The following HPSE variants were observed in gnomAD, a reference collection of about 807,000 sequenced individuals.
HPSE encodes heparanase.
Under a neutral mutation model 65.1 loss-of-function variants are expected in HPSE, and 48 were observed. The observed-to-expected ratio is 0.74, with a 90% CI of 0.58 to 0.94. The LOEUF (loss-of-function observed/expected upper bound fraction) is 0.94, where lower values mean the gene tolerates loss of function less well. Ranked by LOEUF, HPSE falls within the 40% of genes least tolerant of loss-of-function variation. The pLI is 0.00. For synonymous variants in HPSE, 243 were observed against 260.0 expected (o/e 0.93, Z 0.63); for missense variants, 644 against 637.5 (o/e 1.01, Z -0.11).
intron 3 of HPSE, among the ~76,000 whole-genome samples, chr4:83,314,277 C>CAAA (rs34348231): frequency 6.9e-6 from 1 of 144,808 alleles, no homozygotes; most frequent in East Asian, 2.0e-4. Context: ...AACAAAAAAA[C>CAAA]AAACAAAAAA....
At position 83,319,329 on chromosome 4, in the gene HPSE, C is replaced by G. The variant is rs369167362; in HGVS notation, c.499+15G>C. The G allele has an allele frequency of 1.9e-6, 3 of 1,613,200 alleles. No homozygotes were observed. The East Asian group carries it at 6.7e-5, about 36-fold the overall frequency. ...TTGGGGCTGGAACATCTCTAGGGTGCCTTTCATTTCTTACTTGAGTAGGTG... is the reference window on the plus strand; with the variant it reads ...TTGGGGCTGGAACATCTCTAGGGTGGCTTTCATTTCTTACTTGAGTAGGTG... On this transcript the variant is annotated intron_variant, in intron 3 of 11. Coordinates refer to ENST00000311412, the MANE Select transcript of HPSE (RefSeq NM_001098540.3).
At position 83,310,091 on chromosome 4, in the gene HPSE, T is replaced by A. The variant is rs200672095; in HGVS notation, c.843-13A>T. ...AGCCTTCAGGAAGCTAGAAAAAAAA[T>A]TTTATTATCACTCAGTCATATAATA... On this transcript the variant is annotated splice_polypyrimidine_tract_variant and intron_variant, in intron 5 of 11. Transcript: ENST00000311412. 1,029 of 1,588,018 alleles carry A rather than the reference T, an allele frequency of 6.5e-4. 2 individuals are homozygous for A. The highest frequency in any genetic ancestry group is 1.2e-3 in the Middle Eastern group (7 of 5,984).
intron 11 of HPSE, among the ~76,000 whole-genome samples, chr4:83,298,521 T>G (rs1025353343): frequency 6.6e-6 from 1 of 151,600 alleles, no homozygotes; most frequent in African/African-American, 2.4e-5. Flanking sequence ...TATTAAAGTC[T>G]TACTATGCAG....
chr4:83,331,806 T>C (rs1293891630), intron 1 of HPSE, among the ~76,000 whole-genome samples: 1 of 152,208 alleles, frequency 6.6e-6, no homozygotes, highest in Non-Finnish European at 1.5e-5. Flanking sequence ...TATCAATCTC[T>C]CAATTCCTTT....
Position 83,302,186 on chromosome 4 carries a change from T to C in HPSE, c.1289A>G (p.Lys430Arg), listed in dbSNP as rs1735975983. 1.2e-6 allele frequency: 2 copies of C among 1,613,680 alleles called. No homozygotes were observed. Among genetic ancestry groups the C allele is most frequent in the African/African-American group, 2.7e-5 (2 of 74,920 alleles). Residue 430 changes from lysine (K) to arginine (R), a missense_variant, in exon 10 of 12, where the codon AAG (lysine) becomes AGG (arginine). Lys to Arg is a conservative substitution (Grantham distance 26). Coordinates refer to ENST00000311412, the MANE Select transcript of HPSE (RefSeq NM_001098540.3). ...MASVQGSKRR[K>R]LRVYLHCTNT... The stretch of plus-strand genomic sequence containing the variant: ...TGTGCAATGAAGGTATACTCGAAGC[T>C]TCCTTCTCTTTGAACCTTGCACGCT...
At chr4:83,319,184 C>T in intron 3 of HPSE, 160 bp downstream of exon 3, 1 of 716,136 alleles carries the variant, frequency 1.4e-6, no homozygotes, top group East Asian at 2.7e-5. Flanking sequence ...AAAAAAAAAC[C>T]AAAAAGCAAG....
chr4:83,293,613 G>T lies in HPSE; in HGVS notation c.*1731C>A, dbSNP rs1244252699. The stretch of plus-strand genomic sequence containing the variant: ...CTTCCCAACTGAAACAAGGAAGAAA[G>T]GTAGAGAAAAAGCAAGCATTAACAG... On this transcript the variant is annotated 3_prime_UTR_variant, in exon 12 of 12. Transcript: ENST00000311412. 1 of 152,178 alleles carries T rather than the reference G, an allele frequency of 6.6e-6. No homozygotes were observed. Among genetic ancestry groups the T allele is most frequent in the East Asian group, 1.9e-4 (1 of 5,196 alleles). The allele number at this position is 152,178 out of a possible 1,614,324, so 9.4% of individuals were successfully genotyped here.
At chr4:83,334,859 G>A (rs1737557647), upstream of HPSE, 1 of 1,436,830 alleles carries the variant, frequency 7.0e-7, no homozygotes, top group African/African-American at 1.4e-5. Flanking sequence ...TCCTCCCGCC[G>A]AGCCCCAGCG....
rs780442835 is a variant in HPSE, at chr4:83,322,366, T to C, written c.228-2A>G. The C allele has an allele frequency of 1.3e-6, 2 of 1,598,824 alleles. No homozygotes were observed. The highest frequency in any genetic ancestry group is 1.8e-5 in the Admixed American group (1 of 55,784). On this transcript the variant is annotated splice_acceptor_variant, in intron 1 of 11. Coordinates refer to ENST00000311412, the MANE Select transcript of HPSE (RefSeq NM_001098540.3). LOFTEE classifies it high-confidence loss of function. Reference sequence around the variant, plus strand: ...GCCAAGGTACGAAGCTTTGGAGAACTGTTAGGAAGACAAGCAAGAAAGTAT... The same window carrying C: ...GCCAAGGTACGAAGCTTTGGAGAACCGTTAGGAAGACAAGCAAGAAAGTAT...
chr4:83,331,665 C>A (rs1034722973), intron 1 of HPSE, among the ~76,000 whole-genome samples: 1 of 152,152 alleles, frequency 6.6e-6, no homozygotes, highest in African/African-American at 2.4e-5. Flanking sequence ...TTGGGCTGTA[C>A]ACAATGTATT....
intron 6 of HPSE, 35 bp downstream of exon 6, chr4:83,309,996 A>T: frequency 6.8e-7 from 1 of 1,473,460 alleles, no homozygotes; most frequent in Non-Finnish European, 9.4e-7. Flanking sequence ...AGCTAGCCTT[A>T]CTTTCCTAGT....
At chr4:83,300,344 T>G (rs907758561) in intron 11 of HPSE, among the ~76,000 whole-genome samples, 28 of 152,226 alleles carry the variant, frequency 1.8e-4, no homozygotes, top group African/African-American at 5.5e-4. Flanking sequence ...AAAGGTATAT[T>G]TTGCTTTAGT....
At position 83,314,109 on chromosome 4, in the gene HPSE, C is replaced by T. The variant is rs191225761; in HGVS notation, c.500-822G>A. Among the ~76,000 whole-genome samples the T allele has an allele frequency of 2.1e-3, 312 of 151,584 alleles. 3 individuals are homozygous for T. Among genetic ancestry groups the T allele is most frequent in the African/African-American group, 7.2e-3 (299 of 41,328 alleles). Reference sequence around the variant, plus strand: ...CTCTACAAAAAACACAAAAATTAGCCGGGCATGATGGTAAGCACCTGTAGT... The same window carrying T: ...CTCTACAAAAAACACAAAAATTAGCTGGGCATGATGGTAAGCACCTGTAGT... On this transcript the variant is annotated intron_variant, in intron 3 of 11. Transcript: ENST00000311412.
intron 3 of HPSE, among the ~76,000 whole-genome samples, chr4:83,315,378 A>G (rs1736587224): frequency 6.6e-6 from 1 of 152,164 alleles, no homozygotes; most frequent in Non-Finnish European, 1.5e-5. Context: ...TTAAGGCAGT[A>G]TGGAGGCTTT....
At chr4:83,318,652 G>T (rs1736750707) in intron 3 of HPSE, among the ~76,000 whole-genome samples, 1 of 149,486 alleles carries the variant, frequency 6.7e-6, no homozygotes, top group South Asian at 2.1e-4. Flanking sequence ...GGAGGTTGCA[G>T]TGAGCCAAGA....
At chr4:83,310,216 C>A (rs1463739656) in intron 5 of HPSE, 138 bp from the exon 6 acceptor site, 15 of 593,814 alleles carry the variant, frequency 2.5e-5, no homozygotes, top group Non-Finnish European at 3.9e-5. Context: ...ATTTTGATAG[C>A]AAATTTTATC....
chr4:83,334,430 G>A, intron 1 of HPSE, 126 bp downstream of exon 1: 1 of 1,073,800 alleles, frequency 9.3e-7, no homozygotes, highest in Middle Eastern at 3.1e-4. Flanking sequence ...AGTGGGGTGG[G>A]GAGAGACAGG....
intron 1 of HPSE, among the ~76,000 whole-genome samples, 183 bp from the exon 2 acceptor site, chr4:83,322,547 C>G (rs1401180837): frequency 1.3e-5 from 2 of 151,918 alleles, no homozygotes; most frequent in Non-Finnish European, 2.9e-5. Flanking sequence ...GGCTGGAGTG[C>G]AGTGGCGCGA....
rs375999025 is a variant in HPSE at position 83,308,797 on chromosome 4, G to A, written c.1091+48C>T. The A allele has an allele frequency of 1.5e-4, 205 of 1,369,336 alleles. No individual in the cohort carries two copies. The African/African-American group carries it at 2.5e-3, about 17-fold the overall frequency. 84.8% of individuals were successfully genotyped at this position (1,369,336 alleles called of 1,614,324 possible). ...AGCTATTTCAGCAGAATAGAAGGATGGAGAAGAGCTGCACTCTGACCCCTA... is the reference window on the plus strand; with the variant it reads ...AGCTATTTCAGCAGAATAGAAGGATAGAGAAGAGCTGCACTCTGACCCCTA... On this transcript the variant is annotated intron_variant, in intron 8 of 11. Transcript: ENST00000311412.
Sources: allele counts gnomAD v4.1 joint callset (sites outside exome capture counted in the v4.1 genomes callset), GRCh38; gene constraint gnomAD v4.1.1; transcripts MANE v1.5; gene names NCBI Gene and HGNC (gene_info 2026-07-23, HGNC 2026-07-21).